The following KAZN variants were observed in gnomAD, a reference collection of about 807,000 sequenced individuals.
KAZN encodes kazrin.
In KAZN, 40 loss-of-function variants were observed where a neutral mutation model predicts 87.4. The ratio of observed to expected loss-of-function variants is 0.46; its 90% CI spans 0.36 to 0.60. The LOEUF (loss-of-function observed/expected upper bound fraction) is 0.60. KAZN is among the 20% of genes least tolerant of loss of function. KAZN has a pLI of 0.00. For synonymous variants in KAZN, 466 were observed against 458.3 expected (o/e 1.02, Z -0.22); for missense variants, 898 against 1,073.9 (o/e 0.84, Z 2.29).
intron 2 of KAZN, among the ~76,000 whole-genome samples, chr1:14,522,614 G>T (rs1394022562): frequency 2.0e-5 from 3 of 152,150 alleles, no homozygotes; most frequent in Admixed American, 2.0e-4. Context: ...AAATGCAAAT[G>T]GGTGTTGACG....
intron 1 of KAZN, among the ~76,000 whole-genome samples, chr1:14,870,565 TC>T (rs1652024149): frequency 6.6e-6 from 1 of 152,142 alleles, no homozygotes; most frequent in African/African-American, 2.4e-5. Flanking sequence ...ACTCTCAAAC[TC>T]CTGACCTCAA....
chr1:15,094,197 A>G lies in KAZN; in HGVS notation c.1240A>G (p.Ser414Gly). 1 of 1,613,330 alleles carries G rather than the reference A, an allele frequency of 6.2e-7. No homozygotes were observed. Among genetic ancestry groups the G allele is most frequent in the Non-Finnish European group, 8.5e-7 (1 of 1,179,842 alleles). The change falls in exon 9 of 15, where the codon AGC becomes GGC. Residue 414 changes from serine (S) to glycine (G), a missense_variant. Ser to Gly is a moderately conservative substitution (Grantham distance 56). Transcript: ENST00000376030. The surrounding 1 kb of genome is among the most constrained non-coding windows in gnomAD (Gnocchi z 4.5). ...GLFDDSDSQC[S>G]PTRQSLSLSE... ...TGTTGCAGACTCGGACAGCCAGTGC[A>G]GCCCCACGCGGCAGAGCCTCAGCCT...
chr1:14,013,231 C>G (rs751943416), intron 1 of KAZN, among the ~76,000 whole-genome samples: 4 of 152,136 alleles, frequency 2.6e-5, no homozygotes, highest in Non-Finnish European at 5.9e-5. Flanking sequence ...ATGCCTCTTT[C>G]CAAAGAAACC....
At position 14,418,053 on chromosome 1, in the gene KAZN, G is replaced by A. The variant is rs746738236; in HGVS notation, c.250-180930G>A. Among the ~76,000 whole-genome samples, 95 of 79,348 alleles carry A rather than the reference G, an allele frequency of 1.2e-3. No individual in the cohort carries two copies. In the Admixed American group the frequency reaches 0.012, roughly 10 times the overall value. The allele number at this position is 79,348 out of a possible 152,430, so 52.1% of individuals were successfully genotyped here. ...AAAAAAAAAAAAAAAAACCTACATCGAAAGATTTGCCATCTCTAGACATGT... is the reference window on the plus strand; with the variant it reads ...AAAAAAAAAAAAAAAAACCTACATCAAAAGATTTGCCATCTCTAGACATGT... On this transcript the variant is annotated intron_variant, in intron 2 of 16. Transcript: ENST00000636203.
At chr1:15,110,540 C>T (rs77021345) in intron 13 of KAZN, among the ~76,000 whole-genome samples, 2 of 83,192 alleles carry the variant, frequency 2.4e-5, no homozygotes, top group African/African-American at 1.0e-4. Flanking sequence ...TGTGTGTGTG[C>T]ATATGTGTTT....
chr1:14,289,204 G>A (rs934990222), intron 2 of KAZN, among the ~76,000 whole-genome samples: 2 of 152,154 alleles, frequency 1.3e-5, no homozygotes, highest in Admixed American at 1.3e-4. Flanking sequence ...GGTCTGCTTG[G>A]TGCAGAGCTG....
intron 1 of KAZN, among the ~76,000 whole-genome samples, chr1:14,154,976 T>G (rs1444775399): frequency 6.6e-6 from 1 of 151,408 alleles, no homozygotes. Context: ...CTTCCTTCCT[T>G]CCTTCCTTCC....
intron 2 of KAZN, among the ~76,000 whole-genome samples, chr1:14,269,590 A>G (rs1365372814): frequency 6.6e-6 from 1 of 152,182 alleles, no homozygotes; most frequent in African/African-American, 2.4e-5. Context: ...TGGTAAAAAC[A>G]TGTGGGCTGG....
intron 2 of KAZN, among the ~76,000 whole-genome samples, chr1:14,213,513 G>A (rs1375333524): frequency 1.3e-5 from 2 of 152,202 alleles, no homozygotes; most frequent in Non-Finnish European, 2.9e-5. Context: ...AAGGTCTTAA[G>A]GTTAGAATGC....
intron 1 of KAZN, among the ~76,000 whole-genome samples, chr1:14,616,893 C>T (rs575598696): frequency 3.3e-5 from 5 of 152,302 alleles, no homozygotes; most frequent in African/African-American, 7.2e-5. Context: ...TCCATCAAAT[C>T]GCTATTAACT....
intron 2 of KAZN, among the ~76,000 whole-genome samples, chr1:14,311,074 G>A (rs1655255678): frequency 6.6e-6 from 1 of 152,170 alleles, no homozygotes. Context: ...GAATATGAAA[G>A]CCTTTGGTAA....
At chr1:14,209,177 C>G (rs1646803849) in intron 2 of KAZN, among the ~76,000 whole-genome samples, 1 of 152,194 alleles carries the variant, frequency 6.6e-6, no homozygotes, top group Admixed American at 6.5e-5. Flanking sequence ...TTCGTGCTGA[C>G]CCATCACAGC....
chr1:14,466,169 A>C (rs1161047466), intron 2 of KAZN, among the ~76,000 whole-genome samples: 1 of 152,194 alleles, frequency 6.6e-6, no homozygotes, highest in Non-Finnish European at 1.5e-5. Context: ...ACATGACTAC[A>C]CAAGAATTAT....
At chr1:14,858,188 CT>C (rs1572663592) in intron 1 of KAZN, among the ~76,000 whole-genome samples, 1 of 122,354 alleles carries the variant, frequency 8.2e-6, no homozygotes, top group African/African-American at 3.5e-5. Flanking sequence ...ACATTTCTTT[CT>C]TTTTTTCTTT....
At chr1:14,200,911 G>A (rs1043985925) in intron 2 of KAZN, among the ~76,000 whole-genome samples, 7 of 151,768 alleles carry the variant, frequency 4.6e-5, no homozygotes, top group African/African-American at 1.7e-4. Flanking sequence ...CTGGCTCCAT[G>A]GAGGACTATA....
intron 1 of KAZN, among the ~76,000 whole-genome samples, chr1:14,093,131 G>C (rs1303955369): frequency 6.6e-6 from 1 of 152,140 alleles, no homozygotes; most frequent in East Asian, 1.9e-4. Context: ...ACCCACCTCT[G>C]CATCCTCTCC....
chr1:14,201,473 C>G (rs190537956), intron 2 of KAZN, among the ~76,000 whole-genome samples: 1 of 152,296 alleles, frequency 6.6e-6, no homozygotes, highest in Non-Finnish European at 1.5e-5. Context: ...TGGAGCCTGG[C>G]GGCTGCTCCC....
intron 2 of KAZN, among the ~76,000 whole-genome samples, chr1:14,294,612 G>A (rs943796524): frequency 6.7e-6 from 1 of 148,354 alleles, no homozygotes; most frequent in Non-Finnish European, 1.5e-5. Flanking sequence ...AGAGATGGGG[G>A]TTCTTCTTTC....
At chr1:13,969,116 A>G (rs1156548695) in intron 1 of KAZN, among the ~76,000 whole-genome samples, 1 of 152,226 alleles carries the variant, frequency 6.6e-6, no homozygotes, top group African/African-American at 2.4e-5. Context: ...TACTTGAGAT[A>G]TGGCAGTAAA....
Sources: allele counts gnomAD v4.1 joint callset (sites outside exome capture counted in the v4.1 genomes callset), GRCh38; gene constraint gnomAD v4.1.1; non-coding constraint Gnocchi (gnomAD v3.1); transcripts MANE v1.5; gene names NCBI Gene and HGNC (gene_info 2026-07-23, HGNC 2026-07-21).